The following SPAG16 variants were observed in gnomAD, a reference collection of about 807,000 sequenced individuals.
SPAG16 encodes the protein sperm-associated antigen 16 protein.
A neutral mutation model predicts 80.4 loss-of-function variants in SPAG16; 86 were observed. The observed-to-expected ratio is 1.07, with a 90% CI of 0.90 to 1.28. The LOEUF (loss-of-function observed/expected upper bound fraction) is 1.28. Among genes scored for constraint, SPAG16 ranks in the 50% most tolerant of loss-of-function variants. The pLI is 0.00. For missense variants in SPAG16, 870 were observed against 765.3 expected (o/e 1.14, Z -1.61); for synonymous variants, 294 against 265.9 (o/e 1.11, Z -1.03).
At chr2:213,932,956 A>G (rs1405268661) in intron 12 of SPAG16, among the ~76,000 whole-genome samples, 1 of 93,372 alleles carries the variant, frequency 1.1e-5, no homozygotes, top group Non-Finnish European at 2.7e-5. Context: ...GAAAACACAC[A>G]CACACACACA....
chr2:214,126,732 A>G (rs1351486253), intron 14 of SPAG16, among the ~76,000 whole-genome samples: 1 of 151,864 alleles, frequency 6.6e-6, no homozygotes, highest in Non-Finnish European at 1.5e-5. Flanking sequence ...AACAGATCTT[A>G]CAGATTGTGT....
Position 213,738,594 on chromosome 2 carries a change from A to G in SPAG16, c.1071-123891A>G, listed in dbSNP as rs532203352. Among the ~76,000 whole-genome samples, 3 of 152,354 alleles carry G rather than the reference A, an allele frequency of 2.0e-5. 1 individual carries two copies. The highest frequency in any genetic ancestry group is 7.2e-5 in the African/African-American group (3 of 41,588). ...AATATATACCTTATAACTTATATCAATACAGAGGTGCCATAAGACATTAAA... is the reference window on the plus strand; with the variant it reads ...AATATATACCTTATAACTTATATCAGTACAGAGGTGCCATAAGACATTAAA... On this transcript the variant is annotated intron_variant, in intron 10 of 15. Transcript: ENST00000331683.
chr2:213,791,554 G>A (rs2070705160), intron 10 of SPAG16, among the ~76,000 whole-genome samples: 1 of 152,120 alleles, frequency 6.6e-6, no homozygotes, highest in African/African-American at 2.4e-5. Flanking sequence ...GATTAGACTA[G>A]TGTTCTCTCA....
At chr2:214,273,819 C>G (rs1017236100) in intron 15 of SPAG16, among the ~76,000 whole-genome samples, 1 of 152,114 alleles carries the variant, frequency 6.6e-6, no homozygotes, top group African/African-American at 2.4e-5. Flanking sequence ...GCAGTTTTTT[C>G]CAATTCTGTG....
At chr2:213,540,437 G>A (rs2076406564) in intron 10 of SPAG16, among the ~76,000 whole-genome samples, 1 of 151,906 alleles carries the variant, frequency 6.6e-6, no homozygotes. Flanking sequence ...ATATCAGTGT[G>A]GATATACATT....
intron 10 of SPAG16, among the ~76,000 whole-genome samples, chr2:213,745,470 T>G (rs1575015087): frequency 1.3e-5 from 2 of 152,192 alleles, no homozygotes; most frequent in African/African-American, 4.8e-5. Flanking sequence ...CTTGAACTCC[T>G]GACTTCAGGT....
intron 9 of SPAG16, among the ~76,000 whole-genome samples, chr2:213,429,949 C>T (rs1001433168): frequency 6.6e-6 from 1 of 152,050 alleles, no homozygotes; most frequent in Non-Finnish European, 1.5e-5. Flanking sequence ...TAATGATACA[C>T]ATAAAGAAAC....
At chr2:214,393,952 A>G (rs1701222898) in intron 15 of SPAG16, among the ~76,000 whole-genome samples, 1 of 152,200 alleles carries the variant, frequency 6.6e-6, no homozygotes, top group South Asian at 2.1e-4. Context: ...TATGTAATCA[A>G]TGTGAAGCAG....
Position 213,390,565 on chromosome 2 carries a change from CTT to C in SPAG16, c.942+15447_942+15448del, listed in dbSNP as rs142318154. On this transcript the variant is annotated intron_variant, in intron 9 of 15. Coordinates refer to ENST00000331683, the MANE Select transcript of SPAG16 (RefSeq NM_024532.5). ...TGTCAAAGGTTAAAAGAAAAAATAACTTATGTTTTGGGAAATATTCACATCAA... is the reference window on the plus strand; with the variant it reads ...TGTCAAAGGTTAAAAGAAAAAATAACATGTTTTGGGAAATATTCACATCAA... Among the ~76,000 whole-genome samples the C allele has an allele frequency of 1.3e-3, 196 of 152,068 alleles. 3 individuals carry two copies. In the East Asian group the frequency reaches 0.033, roughly 26 times the overall value.
chr2:213,688,611 G>T (rs909999856), intron 10 of SPAG16, among the ~76,000 whole-genome samples: 3 of 152,004 alleles, frequency 2.0e-5, no homozygotes, highest in Non-Finnish European at 4.4e-5. Context: ...TGGTTTGTAG[G>T]GCATGACTCC....
At chr2:213,802,566 G>A (rs2071485231) in intron 10 of SPAG16, among the ~76,000 whole-genome samples, 1 of 151,878 alleles carries the variant, frequency 6.6e-6, no homozygotes. Flanking sequence ...TTTGAGAAAA[G>A]TTAAAAAAAG....
chr2:213,633,047 T>A (rs2062217056), intron 10 of SPAG16, among the ~76,000 whole-genome samples: 1 of 152,164 alleles, frequency 6.6e-6, no homozygotes, highest in African/African-American at 2.4e-5. Flanking sequence ...GGATTGGTAT[T>A]AGTTCTTCTT....
intron 7 of SPAG16, among the ~76,000 whole-genome samples, chr2:213,357,413 G>A (rs1275824928): frequency 6.6e-6 from 1 of 152,082 alleles, no homozygotes; most frequent in Admixed American, 6.5e-5. Context: ...AGGTCTCTAA[G>A]GACTTCCTTT....
chr2:214,353,819 T>A (rs944811129), intron 15 of SPAG16, among the ~76,000 whole-genome samples: 3 of 152,128 alleles, frequency 2.0e-5, no homozygotes, highest in Non-Finnish European at 2.9e-5. Context: ...TCAAAGCCAC[T>A]AATTTCCAAC....
intron 11 of SPAG16, among the ~76,000 whole-genome samples, chr2:213,925,017 T>C (rs532876296): frequency 1.6e-3 from 249 of 152,276 alleles, no homozygotes; most frequent in African/African-American, 5.7e-3. Context: ...ATTACTATTC[T>C]TATAGTGCTC....
intron 15 of SPAG16, among the ~76,000 whole-genome samples, chr2:214,167,535 A>G (rs1297510796): frequency 1.3e-5 from 2 of 152,114 alleles, no homozygotes; most frequent in Non-Finnish European, 2.9e-5. Context: ...AAACTGGAGA[A>G]GGAAAGGAAA....
intron 13 of SPAG16, among the ~76,000 whole-genome samples, chr2:214,084,406 CT>C (rs201474384): frequency 0.025 from 3,868 of 152,218 alleles, 78 homozygotes; most frequent in Non-Finnish European, 0.039. Flanking sequence ...AAAAAATCAT[CT>C]AGATTTTATG....
At chr2:214,182,888 A>C (rs2057351011) in intron 15 of SPAG16, among the ~76,000 whole-genome samples, 1 of 152,008 alleles carries the variant, frequency 6.6e-6, no homozygotes, top group South Asian at 2.1e-4. Context: ...CATACACTTT[A>C]AATTTTATTT....
At chr2:214,150,624 G>A (rs2055927865) in intron 15 of SPAG16, among the ~76,000 whole-genome samples, 1 of 151,894 alleles carries the variant, frequency 6.6e-6, no homozygotes, top group African/African-American at 2.4e-5. Context: ...ATTATCTTGA[G>A]CTAGCATTCA....
Sources: allele counts gnomAD v4.1 joint callset (sites outside exome capture counted in the v4.1 genomes callset), GRCh38; gene constraint gnomAD v4.1.1; transcripts MANE v1.5; gene names NCBI Gene and HGNC (gene_info 2026-07-23, HGNC 2026-07-21).